The following ADGRL4 variants were observed in gnomAD, a reference collection of about 807,000 sequenced individuals.
ADGRL4 encodes EGF, latrophilin and seven transmembrane domain containing 1.
Under a neutral mutation model 74.8 loss-of-function variants are expected in ADGRL4, and 90 were observed. The ratio of observed to expected loss-of-function variants is 1.20; its 90% CI spans 1.02 to 1.43. ADGRL4 has a LOEUF of 1.43. Ranked by LOEUF, ADGRL4 falls within the 40% of genes most tolerant of loss-of-function variation. The pLI is 0.00. For synonymous variants in ADGRL4, 311 were observed against 279.2 expected (o/e 1.11, Z -1.14); for missense variants, 881 against 814.3 (o/e 1.08, Z -1.00).
chr1:78,893,222 G>C, intron 12 of ADGRL4, 33 bp from the exon 13 acceptor site: 2 of 1,339,736 alleles, frequency 1.5e-6, no homozygotes, highest in Non-Finnish European at 2.1e-6. Context: ...AGAAGAGATA[G>C]TTTTCATCTT....
intron 2 of ADGRL4, among the ~76,000 whole-genome samples, chr1:78,989,351 G>T (rs904832557): frequency 5.9e-5 from 9 of 151,764 alleles, no homozygotes; most frequent in Non-Finnish European, 1.3e-4. Context: ...TTGTAAACAT[G>T]CTTCTACTTT....
chr1:78,939,613 C>T (rs1383526248), intron 3 of ADGRL4: 1 of 153,794 alleles, frequency 6.5e-6, no homozygotes, highest in East Asian at 1.9e-4. Context: ...TTATATAGTT[C>T]TTTGATCATA....
chr1:78,955,789 A>G (rs1649817583), intron 2 of ADGRL4, among the ~76,000 whole-genome samples: 1 of 152,052 alleles, frequency 6.6e-6, no homozygotes, highest in Admixed American at 6.6e-5. Context: ...CCACACCTTC[A>G]TAACTGCCAG....
chr1:78,921,728 T>G lies in ADGRL4; in HGVS notation c.1142A>C (p.Asn381Thr). 6.2e-7 allele frequency: 1 copy of G among 1,604,804 alleles called. No homozygotes were observed. The highest frequency in any genetic ancestry group is 8.5e-7 in the Non-Finnish European group (1 of 1,175,292). Residue 381 changes from asparagine to threonine, a missense_variant, in exon 9 of 15, where the codon AAT (asparagine) becomes ACT (threonine). Physicochemically the swap from Asn to Thr is moderately conservative, Grantham distance 65. Coordinates refer to ENST00000370742, the MANE Select transcript of ADGRL4 (RefSeq NM_022159.4). Reference protein sequence around the residue: ...AFWNYSPDTMNGSWSSEGCEL... With the variant: ...AFWNYSPDTMTGSWSSEGCEL... ...ACAGCCCTCTGAAGACCAGCTGCCA[T>G]TCATGGTATCAGGTGAGTAATTCCA...
chr1:78,964,810 A>G (rs984768897), intron 2 of ADGRL4, among the ~76,000 whole-genome samples: 9 of 152,128 alleles, frequency 5.9e-5, no homozygotes, highest in Non-Finnish European at 7.4e-5. Context: ...TGCTTCTGTA[A>G]TGTTTTCTGT....
At chr1:78,903,981 T>C (rs1415933948) in intron 12 of ADGRL4, among the ~76,000 whole-genome samples, 1 of 147,692 alleles carries the variant, frequency 6.8e-6, no homozygotes, top group Admixed American at 6.8e-5. Flanking sequence ...AAATAAATAA[T>C]AATAATAATA....
chr1:78,989,641 T>C (rs1570274703), intron 2 of ADGRL4, among the ~76,000 whole-genome samples: 2 of 151,938 alleles, frequency 1.3e-5, no homozygotes, highest in Admixed American at 6.6e-5. Context: ...TTGTTATCTA[T>C]GTAACCCTAG....
chr1:78,902,257 A>G (rs967947193), intron 12 of ADGRL4, among the ~76,000 whole-genome samples: 1 of 152,114 alleles, frequency 6.6e-6, no homozygotes, highest in Non-Finnish European at 1.5e-5. Context: ...CCACCTCCAC[A>G]TCCCCCAAAA....
chr1:78,944,381 A>G (rs1649552521), intron 3 of ADGRL4, among the ~76,000 whole-genome samples: 1 of 152,210 alleles, frequency 6.6e-6, no homozygotes, highest in Non-Finnish European at 1.5e-5. Flanking sequence ...AGCACATTAT[A>G]TGACATTCTA....
intron 6 of ADGRL4, among the ~76,000 whole-genome samples, chr1:78,936,781 G>T (rs1247712303): frequency 6.6e-6 from 1 of 152,160 alleles, no homozygotes; most frequent in Non-Finnish European, 1.5e-5. Flanking sequence ...ACGTTTGAGT[G>T]ATAATTCCTT....
At chr1:79,000,329 T>C (rs1244415002) in intron 2 of ADGRL4, among the ~76,000 whole-genome samples, 2 of 152,290 alleles carry the variant, frequency 1.3e-5, no homozygotes, top group East Asian at 1.9e-4. Context: ...GTAATTATCC[T>C]GTTAGATAAA....
chr1:78,911,657 T>C (rs1033596130), intron 12 of ADGRL4, among the ~76,000 whole-genome samples: 1 of 151,706 alleles, frequency 6.6e-6, no homozygotes, highest in Non-Finnish European at 1.5e-5. Context: ...TGGCTACACA[T>C]ACATTCCCTT....
chr1:78,971,048 C>A (rs997378688), intron 2 of ADGRL4, among the ~76,000 whole-genome samples: 2 of 152,138 alleles, frequency 1.3e-5, no homozygotes, highest in Non-Finnish European at 2.9e-5. Flanking sequence ...TTTCTAATAA[C>A]CCCGTTTGTC....
At chr1:78,902,510 C>T (rs1648541527) in intron 12 of ADGRL4, among the ~76,000 whole-genome samples, 1 of 151,988 alleles carries the variant, frequency 6.6e-6, no homozygotes, top group South Asian at 2.1e-4. Flanking sequence ...TAGGGGGTAA[C>T]AGAGCCAATA....
At position 78,891,601 on chromosome 1, in the gene ADGRL4, T is replaced by C. The variant is rs1648274765; in HGVS notation, c.1933A>G (p.Thr645Ala). ...TTGCTGACTGTGAAGAGGTAAGCTG[T>C]AACCACTGATGCGTGCACAACATGG... is the stretch of plus-strand genomic sequence containing the variant. The part of the protein sequence containing the change: ...VLHVVHASVV[T>A]AYLFTVSNAF... Residue 645 changes from threonine to alanine, a missense_variant, in exon 14 of 15, where the codon ACA (threonine) becomes GCA (alanine). Physicochemically the swap from Thr to Ala is moderately conservative, Grantham distance 58 (BLOSUM62 0). Coordinates refer to ENST00000370742, the MANE Select transcript of ADGRL4 (RefSeq NM_022159.4). 2 of 1,613,412 alleles carry C rather than the reference T, an allele frequency of 1.2e-6. No homozygotes were observed. The highest frequency in any genetic ancestry group is 2.2e-5 in the South Asian group (2 of 91,066).
rs192624287 is a variant in ADGRL4 at position 78,920,287 on chromosome 1, T to G, written c.1357A>C (p.Ser453Arg). The G allele has an allele frequency of 2.6e-4, 413 of 1,611,894 alleles. 1 individual carries two copies. The African/African-American group carries it at 3.4e-3, about 13-fold the overall frequency. ...GTTGTCCTGGTGCTTTGAATTTCAC[T>G]GAAGAACCAGAAGGTAAAAATGCAT... ...AICIFTFWFFSEIQSTRTTIH... is the reference protein window; with the variant it reads ...AICIFTFWFFREIQSTRTTIH... The change falls in exon 10 of 15, where the codon AGT (serine) becomes CGT (arginine). Residue 453 changes from serine to arginine, a missense_variant. Ser to Arg is a moderately radical substitution (Grantham distance 110). Transcript: ENST00000370742.
Position 79,006,516 on chromosome 1 carries a change from C to T in ADGRL4, c.22+117G>A, listed in dbSNP as rs183100260. The T allele has an allele frequency of 5.8e-4, 690 of 1,188,034 alleles. 3 individuals are homozygous for T. Among genetic ancestry groups the T allele is most frequent in the African/African-American group, 5.6e-3 (348 of 61,866 alleles). 73.6% of individuals were successfully genotyped at this position (1,188,034 alleles called of 1,614,324 possible). ...CCTGAGAAGTACTAAATCAATTCTC[C>T]TCGGAGATTTTGCCAAATACACTTG... On this transcript the variant is annotated intron_variant, in intron 1 of 14. Coordinates refer to ENST00000370742, the MANE Select transcript of ADGRL4 (RefSeq NM_022159.4).
chr1:78,988,495 A>C (rs1270686717), intron 2 of ADGRL4, among the ~76,000 whole-genome samples: 1 of 151,896 alleles, frequency 6.6e-6, no homozygotes, highest in Non-Finnish European at 1.5e-5. Context: ...ACATAAATTA[A>C]ACTGTAACTC....
At chr1:78,935,548 C>G (rs1391429565) in intron 7 of ADGRL4, among the ~76,000 whole-genome samples, 15 of 151,630 alleles carry the variant, frequency 9.9e-5, no homozygotes, top group Admixed American at 9.9e-4. Context: ...AAAAACAAAC[C>G]TACTTTAAAA....
Sources: allele counts gnomAD v4.1 joint callset (sites outside exome capture counted in the v4.1 genomes callset), GRCh38; gene constraint gnomAD v4.1.1; transcripts MANE v1.5; gene names NCBI Gene and HGNC (gene_info 2026-07-23, HGNC 2026-07-21).